The following PTPRD variants were observed in gnomAD, a reference collection of about 807,000 sequenced individuals.
PTPRD encodes the protein protein tyrosine phosphatase receptor type D, also known as receptor-type tyrosine-protein phosphatase delta.
In PTPRD, 34 loss-of-function variants were observed where a neutral mutation model predicts 214.5. That is an observed-to-expected ratio of 0.16 (90% CI 0.12 to 0.21). The LOEUF (loss-of-function observed/expected upper bound fraction) is 0.21. Among genes scored for constraint, PTPRD ranks in the 10% least tolerant of loss-of-function variants. The pLI, the probability that PTPRD is intolerant of heterozygous loss-of-function variation, is 1.00. For synonymous variants in PTPRD, 1,128 were observed against 845.7 expected, an observed-to-expected ratio of 1.33 and a Z score of -5.79; for missense variants, 2,545 against 2,398.7, an observed-to-expected ratio of 1.06 and a Z score of -1.27.
At chr9:10,128,129 T>C (rs2098833185) in intron 3 of PTPRD, among the ~76,000 whole-genome samples, 1 of 152,134 alleles carries the variant, frequency 6.6e-6, no homozygotes, top group African/African-American at 2.4e-5. Context: ...TATTCCAATG[T>C]TCTGTATCAC....
chr9:10,204,303 A>G (rs1012412187), intron 3 of PTPRD, among the ~76,000 whole-genome samples: 1 of 152,124 alleles, frequency 6.6e-6, no homozygotes, highest in Non-Finnish European at 1.5e-5. Flanking sequence ...GTTTTGGTCA[A>G]CTCTGTCTCA....
chr9:9,076,951 C>T (rs1179095508), intron 10 of PTPRD, among the ~76,000 whole-genome samples: 1 of 151,952 alleles, frequency 6.6e-6, no homozygotes, highest in Non-Finnish European at 1.5e-5. Context: ...TTCTGCACAT[C>T]CTTGGTAGAA....
intron 3 of PTPRD, among the ~76,000 whole-genome samples, chr9:10,075,355 G>C (rs1235497975): frequency 6.6e-6 from 1 of 151,916 alleles, no homozygotes; most frequent in Non-Finnish European, 1.5e-5. Flanking sequence ...TGAAAAAACA[G>C]ATTCAAAACA....
chr9:8,928,356 A>C (rs950319543), intron 11 of PTPRD, among the ~76,000 whole-genome samples: 7 of 152,108 alleles, frequency 4.6e-5, no homozygotes, highest in African/African-American at 1.7e-4. Flanking sequence ...TAAGTCTTTA[A>C]TCCATCTTTC....
intron 2 of PTPRD, among the ~76,000 whole-genome samples, chr9:10,517,801 C>T (rs559910994): frequency 4.3e-4 from 66 of 152,180 alleles, no homozygotes; most frequent in African/African-American, 1.5e-3. Context: ...AAATATATTT[C>T]TCCATTGACA....
chr9:8,735,512 G>A (rs1455362309), intron 11 of PTPRD, among the ~76,000 whole-genome samples: 1 of 152,104 alleles, frequency 6.6e-6, no homozygotes, highest in East Asian at 1.9e-4. Flanking sequence ...CATGTTCCTG[G>A]GTGATGCTGA....
chr9:8,989,600 C>G (rs2099358601), intron 11 of PTPRD, among the ~76,000 whole-genome samples: 1 of 151,990 alleles, frequency 6.6e-6, no homozygotes, highest in Admixed American at 6.6e-5. Flanking sequence ...CTTATACATT[C>G]ATCCAATGAC....
intron 2 of PTPRD, among the ~76,000 whole-genome samples, chr9:10,384,729 A>T (rs534639986): frequency 7.3e-5 from 11 of 150,836 alleles, no homozygotes; most frequent in South Asian, 2.1e-4. Context: ...TACATGATGC[A>T]AATTTAAAAA....
chr9:8,731,219 G>A (rs914644837), intron 12 of PTPRD, among the ~76,000 whole-genome samples: 1 of 152,052 alleles, frequency 6.6e-6, no homozygotes, highest in African/African-American at 2.4e-5. Flanking sequence ...AGAGTGAGTT[G>A]GACACATTAA....
intron 10 of PTPRD, among the ~76,000 whole-genome samples, chr9:9,029,327 A>C (rs1421430828): frequency 1.3e-5 from 2 of 151,854 alleles, no homozygotes; most frequent in African/African-American, 4.8e-5. Flanking sequence ...AAGAAAAGGA[A>C]TCAGACTAAA....
chr9:8,580,487 T>G (rs1353515003), intron 14 of PTPRD, among the ~76,000 whole-genome samples: 2 of 152,240 alleles, frequency 1.3e-5, no homozygotes, highest in Non-Finnish European at 2.9e-5. Flanking sequence ...CTGCAGACCC[T>G]GATGGACTTT....
At chr9:10,455,262 C>T (rs79792667) in intron 2 of PTPRD, among the ~76,000 whole-genome samples, 6,946 of 151,590 alleles carry the variant, frequency 0.046, 234 homozygotes, top group South Asian at 0.13. Context: ...GAAAGAATTC[C>T]CATTGTTCTG....
chr9:10,109,179 C>T (rs1305273820), intron 3 of PTPRD, among the ~76,000 whole-genome samples: 4 of 152,156 alleles, frequency 2.6e-5, no homozygotes, highest in African/African-American at 9.7e-5. Context: ...TTTCTACAAG[C>T]AAGTTCTTTC....
At chr9:9,581,261 T>C (rs986759978) in intron 7 of PTPRD, among the ~76,000 whole-genome samples, 1 of 152,130 alleles carries the variant, frequency 6.6e-6, no homozygotes, top group African/African-American at 2.4e-5. Context: ...TTATCAGACA[T>C]GTCAAATTCT....
intron 3 of PTPRD, among the ~76,000 whole-genome samples, chr9:10,134,632 C>T (rs2098928726): frequency 6.6e-6 from 1 of 151,988 alleles, no homozygotes. Flanking sequence ...CCTCTGAAAG[C>T]ATCCAGAAAT....
Position 8,316,521 on chromosome 9 carries a change from C to CTTT in PTPRD, c.*1350_*1352dup, listed in dbSNP as rs983845489. 21 of 230,510 alleles carry CTTT rather than the reference C, an allele frequency of 9.1e-5. 1 individual carries two copies. The Middle Eastern group carries it at 3.9e-3, about 43-fold the overall frequency. 14.3% of individuals were successfully genotyped at this position (230,510 alleles called of 1,614,324 possible). A position where few individuals can be genotyped will look rare whatever the true frequency, so the allele number is the denominator to read the frequency against. On this transcript the variant is annotated 3_prime_UTR_variant, in exon 46 of 46. Coordinates refer to ENST00000381196, the MANE Select transcript of PTPRD (RefSeq NM_002839.4). ...TATAGACAATATACGATTGAATACA[C>CTTT]TTTTTTTAAACAACTCGATAGCTGA...
At chr9:8,810,788 G>C (rs933588949) in intron 11 of PTPRD, among the ~76,000 whole-genome samples, 1 of 152,220 alleles carries the variant, frequency 6.6e-6, no homozygotes, top group Middle Eastern at 3.2e-3. Flanking sequence ...AGAGAGAAAA[G>C]TGGGACAAAG....
At chr9:9,202,263 T>G (rs1172638786) in intron 9 of PTPRD, among the ~76,000 whole-genome samples, 2 of 152,200 alleles carry the variant, frequency 1.3e-5, no homozygotes, top group African/African-American at 4.8e-5. Context: ...TCAGATCTAT[T>G]GCAGTCTTAC....
intron 11 of PTPRD, among the ~76,000 whole-genome samples, chr9:8,799,437 T>G (rs2096526227): frequency 6.6e-6 from 1 of 152,214 alleles, no homozygotes. Context: ...TTGTCCAGTT[T>G]GGAAGATATA....
Sources: allele counts gnomAD v4.1 joint callset (sites outside exome capture counted in the v4.1 genomes callset), GRCh38; gene constraint gnomAD v4.1.1; transcripts MANE v1.5; gene names NCBI Gene and HGNC (gene_info 2026-07-23, HGNC 2026-07-21).